Variants in LRRC59 observed in about 807,000 individuals in gnomAD.
LRRC59 encodes the protein leucine-rich repeat-containing protein 59.
In LRRC59, 18 loss-of-function variants were observed where a neutral mutation model predicts 33.5. The observed-to-expected ratio is 0.54, with a 90% confidence interval of 0.37 to 0.80. The LOEUF (loss-of-function observed/expected upper bound fraction) is 0.80. LRRC59 is among the 30% of genes least tolerant of loss of function. The pLI, the probability that LRRC59 is intolerant of heterozygous loss-of-function variation, is 0.00. For synonymous variants in LRRC59, 138 were observed against 160.0 expected (o/e 0.86, Z 1.04); for missense variants, 330 against 391.9 (o/e 0.84, Z 1.33).
chr17:50,392,778 G>A lies in LRRC59; in HGVS notation c.285C>T (p.Asn95=). The change falls in exon 3 of 7, where the codon AAC becomes AAT. Residue 95 remains asparagine, a synonymous_variant. Coordinates refer to ENST00000225972, the MANE Select transcript of LRRC59 (RefSeq NM_018509.4). ...VNLQHLDLLN[N]KLVTLPVSFA... Reference sequence around the variant, plus strand: ...AGCTGACAGGCAAGGTGACCAGCTTGTTGTTGAGGAGATCCAGGTGCTGGA... The same window carrying A: ...AGCTGACAGGCAAGGTGACCAGCTTATTGTTGAGGAGATCCAGGTGCTGGA... The A allele has an allele frequency of 6.2e-7, 1 of 1,614,180 alleles. No individual in the cohort carries two copies. Among genetic ancestry groups the A allele is most frequent in the Admixed American group, 1.7e-5 (1 of 60,024 alleles).
At chr17:50,389,647 A>G (rs956411473) in intron 4 of LRRC59, among the ~76,000 whole-genome samples, 1 of 152,236 alleles carries the variant, frequency 6.6e-6, no homozygotes, top group Admixed American at 6.5e-5. Flanking sequence ...ACTGCACTTA[A>G]CAATTACATT....
At chr17:50,388,937 C>T (rs1914076884) in intron 4 of LRRC59, among the ~76,000 whole-genome samples, 1 of 152,184 alleles carries the variant, frequency 6.6e-6, no homozygotes, top group Non-Finnish European at 1.5e-5. Context: ...GCTGTCTGGT[C>T]TGTAGGTATC....
rs775219764 is a variant in LRRC59, at chr17:50,388,154, G to C, written c.430-22C>G. ...ACACCTGCAAAGGAAAAGGAGGAAAGTAGTGCTCTTCATAGTCATGTTTGC... is the reference window on the plus strand; with the variant it reads ...ACACCTGCAAAGGAAAAGGAGGAAACTAGTGCTCTTCATAGTCATGTTTGC... On this transcript the variant is annotated intron_variant, in intron 4 of 6. Coordinates refer to ENST00000225972, the MANE Select transcript of LRRC59 (RefSeq NM_018509.4). The C allele has an allele frequency of 8.7e-6, 14 of 1,609,296 alleles. No homozygotes were observed. The South Asian group carries it at 1.1e-4, about 13-fold the overall frequency.
chr17:50,388,020 G>A (rs1168288155), intron 5 of LRRC59, 40 bp downstream of exon 5: 2 of 1,597,492 alleles, frequency 1.3e-6, no homozygotes, highest in East Asian at 2.2e-5. Context: ...TGGCTGGGAT[G>A]AGGACCTGAA....
At chr17:50,393,416 A>T (rs1914197383) in intron 2 of LRRC59, among the ~76,000 whole-genome samples, 1 of 151,526 alleles carries the variant, frequency 6.6e-6, no homozygotes, top group Non-Finnish European at 1.5e-5. Flanking sequence ...CATTCATAGG[A>T]TCTGTCAAAA....
chr17:50,394,882 A>AT (rs2143375545), intron 2 of LRRC59, 47 bp downstream of exon 2: 3 of 1,191,706 alleles, frequency 2.5e-6, no homozygotes, highest in Non-Finnish European at 1.2e-6. Context: ...CAGGAAGGAG[A>AT]TGCATCCAAG....
chr17:50,390,085 G>A (rs1298087455), intron 4 of LRRC59, among the ~76,000 whole-genome samples: 29 of 134,238 alleles, frequency 2.2e-4, no homozygotes, highest in Admixed American at 6.7e-4. Context: ...ACGATAGAGC[G>A]TGACTCTGTC....
chr17:50,396,835 A>G (rs1914285346), intron 1 of LRRC59: 2 of 301,414 alleles, frequency 6.6e-6, no homozygotes, highest in Non-Finnish European at 1.2e-5. Flanking sequence ...CAGGAGGCCT[A>G]CTCCCCTGGA....
chr17:50,390,762 A>G (rs1017261982), intron 4 of LRRC59, among the ~76,000 whole-genome samples: 13 of 152,204 alleles, frequency 8.5e-5, no homozygotes, highest in African/African-American at 3.1e-4. Context: ...ATTCCTGCAG[A>G]CAGACGACCT....
chr17:50,390,654 T>A (rs1471798427), intron 4 of LRRC59, among the ~76,000 whole-genome samples: 2 of 152,198 alleles, frequency 1.3e-5, no homozygotes, highest in Non-Finnish European at 2.9e-5. Flanking sequence ...AAATCATTTT[T>A]AAAAATTGCT....
Position 50,381,258 on chromosome 17 carries a change from A to G in LRRC59, c.*1730T>C, listed in dbSNP as rs1303874376. On this transcript the variant is annotated 3_prime_UTR_variant, in exon 7 of 7. Transcript: ENST00000225972. ...GACAGTCCACTCAGACACTTATTTA[A>G]TAACTGTAGAAATCCAAAAGAATTA... 7.0e-6 allele frequency: 2 copies of G among 286,994 alleles called. No individual in the cohort carries two copies. The highest frequency in any genetic ancestry group is 4.7e-5 in the Admixed American group (1 of 21,406). 17.8% of individuals were successfully genotyped at this position (286,994 alleles called of 1,614,324 possible).
intron 5 of LRRC59, among the ~76,000 whole-genome samples, chr17:50,385,868 T>C (rs1913988460): frequency 6.6e-6 from 1 of 152,102 alleles, no homozygotes; most frequent in Admixed American, 6.5e-5. Flanking sequence ...AAGACCAGCC[T>C]GGGCAACATA....
At chr17:50,384,409 C>T (rs1913949953) in intron 6 of LRRC59, among the ~76,000 whole-genome samples, 2 of 152,110 alleles carry the variant, frequency 1.3e-5, no homozygotes, top group Admixed American at 1.3e-4. Flanking sequence ...CTCTTCTCAC[C>T]TTAGCCTCCC....
chr17:50,396,018 T>C (rs1201386639), intron 1 of LRRC59: 3 of 152,194 alleles, frequency 2.0e-5, no homozygotes, highest in African/African-American at 7.2e-5. Flanking sequence ...GCCTGGAGTA[T>C]ATGGTTTCAG....
chr17:50,389,966 T>C (rs1306955066), intron 4 of LRRC59, among the ~76,000 whole-genome samples: 1 of 151,550 alleles, frequency 6.6e-6, no homozygotes, highest in African/African-American at 2.4e-5. Context: ...GGTGTGGTGG[T>C]GTGCGCCTGT....
chr17:50,387,833 C>G (rs1054700229), intron 5 of LRRC59, among the ~76,000 whole-genome samples: 4 of 152,088 alleles, frequency 2.6e-5, no homozygotes, highest in Non-Finnish European at 5.9e-5. Flanking sequence ...ACCCTCCAAG[C>G]AGAGATGAAA....
At chr17:50,387,581 T>C (rs1351084993) in intron 5 of LRRC59, among the ~76,000 whole-genome samples, 1 of 152,116 alleles carries the variant, frequency 6.6e-6, no homozygotes, top group Non-Finnish European at 1.5e-5. Flanking sequence ...CTGGAAGGCA[T>C]TGTGATGGTC....
chr17:50,392,629 A>G, intron 3 of LRRC59, 110 bp downstream of exon 3: 2 of 1,505,416 alleles, frequency 1.3e-6, no homozygotes, highest in Middle Eastern at 3.7e-4. Context: ...GCGCCATCTG[A>G]GGCAGGACCA....
At chr17:50,395,378 AAGGC>A (rs200741723) in intron 1 of LRRC59, among the ~76,000 whole-genome samples, 18 of 150,278 alleles carry the variant, frequency 1.2e-4, no homozygotes, top group South Asian at 4.2e-4. Flanking sequence ...AAAAGAAAGG[AAGGC>A]AGGCAGGCAG....
Sources: gnomAD v4.1 joint callset for allele counts (sites outside exome capture counted in the v4.1 genomes callset) on GRCh38, gnomAD v4.1.1 for gene constraint, MANE v1.5 for transcripts, NCBI Gene and HGNC (gene_info 2026-07-23, HGNC 2026-07-21) for gene names.